CACNB2: variants seen among roughly 807,000 people sequenced by gnomAD.
CACNB2 encodes voltage-dependent L-type calcium channel subunit beta-2.
A neutral mutation model predicts 73.3 loss-of-function variants in CACNB2; 42 were observed. That is an observed-to-expected ratio of 0.57 (90% confidence interval 0.45 to 0.74). CACNB2 has a LOEUF of 0.74. CACNB2 is among the 30% of genes least tolerant of loss of function. The pLI, the probability that CACNB2 is intolerant of heterozygous loss-of-function variation, is 0.00. For synonymous variants in CACNB2, 348 were observed against 310.3 expected, an observed-to-expected ratio of 1.12 and a Z score of -1.28; for missense variants, 940 against 853.0, an observed-to-expected ratio of 1.10 and a Z score of -1.27.
intron 10 of CACNB2, among the ~76,000 whole-genome samples, chr10:18,529,753 G>C (rs1589712833): frequency 6.6e-6 from 1 of 152,198 alleles, no homozygotes; most frequent in South Asian, 2.1e-4. Context: ...CTATTAGTCT[G>C]TTCTCAGGAA....
intron 2 of CACNB2, among the ~76,000 whole-genome samples, chr10:18,316,108 A>G (rs2040173291): frequency 6.6e-6 from 1 of 152,134 alleles, no homozygotes; most frequent in South Asian, 2.1e-4. Context: ...CCAGGAGCAC[A>G]CCTCTGAGAT....
intron 2 of CACNB2, among the ~76,000 whole-genome samples, chr10:18,330,937 G>C (rs898839295): frequency 6.6e-6 from 1 of 151,282 alleles, no homozygotes; most frequent in Non-Finnish European, 1.5e-5. Context: ...AATGTGCTGG[G>C]ATTACAGGTG....
chr10:18,348,596 C>A (rs1009449652), intron 2 of CACNB2, among the ~76,000 whole-genome samples: 5 of 152,104 alleles, frequency 3.3e-5, no homozygotes, highest in Non-Finnish European at 7.3e-5. Flanking sequence ...TCACTGCAAC[C>A]TCCACCTCCT....
intron 2 of CACNB2, among the ~76,000 whole-genome samples, chr10:18,169,708 G>A (rs2033100697): frequency 6.6e-6 from 1 of 152,160 alleles, no homozygotes; most frequent in Non-Finnish European, 1.5e-5. Flanking sequence ...CTTCTTGCTT[G>A]TCACTTGTAG....
intron 2 of CACNB2, among the ~76,000 whole-genome samples, chr10:18,278,088 T>A (rs2038376674): frequency 6.6e-6 from 1 of 152,236 alleles, no homozygotes; most frequent in Non-Finnish European, 1.5e-5. Flanking sequence ...GAAAATATTG[T>A]CCTTAATATT....
At chr10:18,266,917 A>T (rs1159766785) in intron 2 of CACNB2, among the ~76,000 whole-genome samples, 1 of 152,176 alleles carries the variant, frequency 6.6e-6, no homozygotes, top group Admixed American at 6.5e-5. Context: ...TGAGCTATAC[A>T]CTTATATATG....
intron 2 of CACNB2, among the ~76,000 whole-genome samples, chr10:18,356,211 G>C (rs566746285): frequency 6.6e-6 from 1 of 152,078 alleles, no homozygotes; most frequent in Non-Finnish European, 1.5e-5. Context: ...CTGGGCCTCT[G>C]CTCCTGCTTT....
At chr10:18,438,147 A>AG (rs2046236076) in intron 3 of CACNB2, among the ~76,000 whole-genome samples, 1 of 141,852 alleles carries the variant, frequency 7.0e-6, no homozygotes. Flanking sequence ...CCTCCTGAGT[A>AG]GCTGGGACTA....
chr10:18,324,587 T>C (rs2040511257), intron 2 of CACNB2, among the ~76,000 whole-genome samples: 1 of 152,274 alleles, frequency 6.6e-6, no homozygotes, highest in Admixed American at 6.5e-5. Flanking sequence ...GTGCAGTGGC[T>C]CACGCCTGTA....
At chr10:18,246,418 T>G (rs996824982) in intron 2 of CACNB2, among the ~76,000 whole-genome samples, 8 of 152,130 alleles carry the variant, frequency 5.3e-5, no homozygotes, top group African/African-American at 1.9e-4. Flanking sequence ...AAAAAAACAT[T>G]TTTACAATGT....
At chr10:18,242,691 A>C (rs2036701972) in intron 2 of CACNB2, among the ~76,000 whole-genome samples, 1 of 152,106 alleles carries the variant, frequency 6.6e-6, no homozygotes, top group Admixed American at 6.6e-5. Context: ...TAAAGAAAAC[A>C]TGCAAAAAGT....
chr10:18,259,212 T>C (rs1281253096), intron 2 of CACNB2, among the ~76,000 whole-genome samples: 1 of 152,148 alleles, frequency 6.6e-6, no homozygotes, highest in Non-Finnish European at 1.5e-5. Context: ...CAGAATTTTT[T>C]TGTCACCTCT....
chr10:18,316,278 G>A (rs1713547801), intron 2 of CACNB2, among the ~76,000 whole-genome samples: 1 of 151,982 alleles, frequency 6.6e-6, no homozygotes, highest in South Asian at 2.1e-4. Context: ...CCTAGTTCTA[G>A]TATCTAAAAC....
At chr10:18,501,491 A>C (rs1307350427) in intron 5 of CACNB2, among the ~76,000 whole-genome samples, 1 of 152,252 alleles carries the variant, frequency 6.6e-6, no homozygotes, top group African/African-American at 2.4e-5. Context: ...CAATTAGATG[A>C]GTTATGTAAG....
intron 3 of CACNB2, among the ~76,000 whole-genome samples, chr10:18,444,573 C>T (rs999615489): frequency 6.6e-6 from 1 of 152,150 alleles, no homozygotes; most frequent in Non-Finnish European, 1.5e-5. Context: ...TGTGAAGTCA[C>T]TTGTGCAACG....
chr10:18,509,434 C>A (rs570009406), intron 6 of CACNB2, among the ~76,000 whole-genome samples: 1 of 152,318 alleles, frequency 6.6e-6, no homozygotes, highest in South Asian at 2.1e-4. Flanking sequence ...CACCCACACA[C>A]ACGTGTGTAC....
chr10:18,346,106 C>A (rs755059458), intron 2 of CACNB2, among the ~76,000 whole-genome samples: 3 of 152,114 alleles, frequency 2.0e-5, no homozygotes, highest in Admixed American at 2.0e-4. Flanking sequence ...ATTCAGAGAT[C>A]TTCCACTCTC....
intron 2 of CACNB2, among the ~76,000 whole-genome samples, chr10:18,264,547 T>G (rs1171828604): frequency 6.6e-6 from 1 of 152,194 alleles, no homozygotes; most frequent in African/African-American, 2.4e-5. Flanking sequence ...GGGTACCCAC[T>G]AAACAGACTT....
chr10:18,160,997 T>C (rs563456584), intron 2 of CACNB2, among the ~76,000 whole-genome samples: 32 of 152,200 alleles, frequency 2.1e-4, no homozygotes, highest in African/African-American at 6.7e-4. Context: ...AAGACCTGAG[T>C]TGGTGAAAAA....
Sources: allele counts gnomAD v4.1 joint callset (sites outside exome capture counted in the v4.1 genomes callset), GRCh38; gene constraint gnomAD v4.1.1; transcripts MANE v1.5; gene names NCBI Gene and HGNC (gene_info 2026-07-23, HGNC 2026-07-21).